Variants in PFKP observed in about 807,000 individuals in gnomAD.
The protein encoded by PFKP is phosphofructokinase, platelet.
In PFKP, 101 loss-of-function variants were observed where a neutral mutation model predicts 94.3. That is an observed-to-expected ratio of 1.07 (90% CI 0.91 to 1.26). The LOEUF (loss-of-function observed/expected upper bound fraction) is 1.26, where lower values mean the gene tolerates loss of function less well. Among genes scored for constraint, PFKP ranks in the 50% most tolerant of loss-of-function variants. The probability of loss-of-function intolerance (pLI) is 0.00; values close to 1 mark genes in which losing one functional copy is unlikely to be tolerated. For missense variants in PFKP, 1,145 were observed against 1,103.3 expected (o/e 1.04, Z -0.53); for synonymous variants, 573 against 432.6 (o/e 1.32, Z -4.03).
chr10:3,115,806 G>C (rs1836782258), intron 13 of PFKP, among the ~76,000 whole-genome samples: 2 of 152,150 alleles, frequency 1.3e-5, no homozygotes, highest in African/African-American at 4.8e-5. Flanking sequence ...GTTAAGAGTA[G>C]GGTGGGAAGA....
intron 7 of PFKP, among the ~76,000 whole-genome samples, chr10:3,105,993 AGT>A (rs1262424304): frequency 1.3e-5 from 2 of 152,228 alleles, no homozygotes; most frequent in African/African-American, 4.8e-5. Flanking sequence ...GTGGCCCAGC[AGT>A]GTGAGGCCTT....
rs530918221 is a variant in PFKP at position 3,106,514 on chromosome 10, T to A, written c.775-700T>A. Among the ~76,000 whole-genome samples the A allele has an allele frequency of 5.1e-4, 77 of 150,968 alleles. 2 individuals carry two copies. The East Asian group carries it at 0.013, about 25-fold the overall frequency. ...ACCTGGGGCTGACTGGGGGCCACAT[T>A]TCTATCTGCGGTGGTGATGTGAGCT... On this transcript the variant is annotated intron_variant, in intron 7 of 21. Transcript: ENST00000381125.
rs181841943 is a variant in PFKP at position 3,092,492 on chromosome 10, A to G, written c.187-6783A>G. Among the ~76,000 whole-genome samples, 1,018 of 146,768 alleles carry G rather than the reference A, an allele frequency of 6.9e-3. 7 individuals carry two copies. Among genetic ancestry groups the G allele is most frequent in the African/African-American group, 0.027 (978 of 36,374 alleles). On this transcript the variant is annotated intron_variant, in intron 2 of 21. Transcript: ENST00000381125. The stretch of plus-strand genomic sequence containing the variant: ...AGGCTGGCTGTGTTAGCAACAGCGT[A>G]TTATATTAATGTATTTCAGAGCAGC...
intron 17 of PFKP, among the ~76,000 whole-genome samples, chr10:3,132,028 TGAGAGCACC>T (rs1226940576): frequency 6.6e-6 from 1 of 152,070 alleles, no homozygotes; most frequent in Non-Finnish European, 1.5e-5. Flanking sequence ...CTCTTTCCTC[TGAGAGCACC>T]GAGAACATCG....
chr10:3,070,455 A>G (rs188061061), intron 1 of PFKP: 8 of 152,340 alleles, frequency 5.3e-5, no homozygotes, highest in Non-Finnish European at 1.2e-4. Context: ...ATTCACATTC[A>G]CGTATTAATT....
At chr10:3,077,732 A>G (rs1588392056) in intron 1 of PFKP, among the ~76,000 whole-genome samples, 1 of 152,144 alleles carries the variant, frequency 6.6e-6, no homozygotes, top group East Asian at 1.9e-4. Flanking sequence ...GATGACTCTG[A>G]CTCAAGGAAG....
intron 2 of PFKP, among the ~76,000 whole-genome samples, chr10:3,090,765 G>A (rs1026139574): frequency 1.4e-4 from 21 of 152,146 alleles, no homozygotes; most frequent in African/African-American, 5.1e-4. Flanking sequence ...TCCTATGGGG[G>A]GAAAATCACT....
At position 3,107,736 on chromosome 10, in the gene PFKP, C is replaced by CT. The variant is rs1269389290; in HGVS notation, c.870+428dup. On this transcript the variant is annotated intron_variant, in intron 8 of 21. Coordinates refer to ENST00000381125, the MANE Select transcript of PFKP (RefSeq NM_002627.5). Reference sequence around the variant, plus strand: ...GCCCTCCCATAACCCAGAGCATCAGCTGAGCACATTCTTACAAAGCCACTG... The same window carrying CT: ...GCCCTCCCATAACCCAGAGCATCAGCTTGAGCACATTCTTACAAAGCCACTG... 1.0e-5 allele frequency: 9 copies of CT among 870,580 alleles called. No homozygotes were observed. The Admixed American group carries it at 7.9e-4, about 77-fold the overall frequency. The allele number at this position is 870,580 out of a possible 1,614,324, so 53.9% of individuals were successfully genotyped here. A position where few individuals can be genotyped will look rare whatever the true frequency, so the allele number is the denominator to read the frequency against.
intron 16 of PFKP, among the ~76,000 whole-genome samples, chr10:3,128,642 CTCCT>C (rs1452060020): frequency 2.0e-5 from 3 of 152,210 alleles, no homozygotes; most frequent in African/African-American, 7.2e-5. Flanking sequence ...CTGGCGCCTC[CTCCT>C]TCCATGTGGG....
intron 1 of PFKP, among the ~76,000 whole-genome samples, chr10:3,076,380 G>A (rs1424633820): frequency 6.6e-6 from 1 of 152,050 alleles, no homozygotes; most frequent in East Asian, 1.9e-4. Context: ...TGCTGCCGCC[G>A]CGCCCCCGCC....
chr10:3,117,785 G>A (rs547189253), intron 14 of PFKP, among the ~76,000 whole-genome samples: 6 of 152,286 alleles, frequency 3.9e-5, no homozygotes, highest in Non-Finnish European at 5.9e-5. Context: ...GGGCCAGGGC[G>A]TTGCTCTCGA....
At chr10:3,071,615 G>T (rs1204590003) in intron 1 of PFKP, among the ~76,000 whole-genome samples, 1 of 152,116 alleles carries the variant, frequency 6.6e-6, no homozygotes, top group East Asian at 1.9e-4. Context: ...CACCAAGAGT[G>T]ACTCATTGTC....
chr10:3,079,936 T>C (rs1832918080), intron 1 of PFKP, among the ~76,000 whole-genome samples: 1 of 150,816 alleles, frequency 6.6e-6, no homozygotes, highest in Admixed American at 6.9e-5. Flanking sequence ...CTGCCAGGAA[T>C]AAATGGAATC....
rs769100888 is a variant in PFKP, at chr10:3,129,718, G to A, written c.1684-101G>A. 3.7e-5 allele frequency: 46 copies of A among 1,252,122 alleles called. No homozygotes were observed. The East Asian group carries it at 3.8e-4, about 10-fold the overall frequency. 77.6% of individuals were successfully genotyped at this position (1,252,122 alleles called of 1,614,324 possible). A position where few individuals can be genotyped will look rare whatever the true frequency, so the allele number is the denominator to read the frequency against. On this transcript the variant is annotated intron_variant, in intron 16 of 21. Transcript: ENST00000381125. The stretch of plus-strand genomic sequence containing the variant: ...GGATGCTGGGACCGCATGTTTGGGC[G>A]CGGTGGGGGGGCCTTGCTGCACTCA...
intron 21 of PFKP, among the ~76,000 whole-genome samples, 158 bp from the exon 22 acceptor site, chr10:3,136,292 G>A (rs1433897164): frequency 6.6e-6 from 1 of 152,150 alleles, no homozygotes; most frequent in Non-Finnish European, 1.5e-5. Flanking sequence ...TTTAAACAAT[G>A]GTTTCATTTG....
chr10:3,082,887 A>G lies in PFKP; in HGVS notation c.186+426A>G, dbSNP rs140498124. On this transcript the variant is annotated intron_variant, in intron 2 of 21. Coordinates refer to ENST00000381125, the MANE Select transcript of PFKP (RefSeq NM_002627.5). ...CCACCACACCCAGCTAATTTTTTGT[A>G]TTTTTAGTAGAGAAGGGGTCTCACC... Among the ~76,000 whole-genome samples the G allele has an allele frequency of 6.2e-3, 941 of 152,034 alleles. 9 individuals are homozygous for G. Among genetic ancestry groups the G allele is most frequent in the African/African-American group, 0.021 (885 of 41,458 alleles).
chr10:3,090,291 G>A (rs930647752), intron 2 of PFKP, among the ~76,000 whole-genome samples: 29 of 152,220 alleles, frequency 1.9e-4, no homozygotes, highest in African/African-American at 6.5e-4. Context: ...CCTGCAGGAC[G>A]TACTGCAGTG....
chr10:3,102,749 G>C (rs2131548317), intron 4 of PFKP, among the ~76,000 whole-genome samples: 1 of 152,294 alleles, frequency 6.6e-6, no homozygotes, highest in South Asian at 2.1e-4. Context: ...TATTAAATAT[G>C]ACCAGGGAAG....
chr10:3,129,700 G>A (rs1838334497), intron 16 of PFKP, 119 bp from the exon 17 acceptor site: 1 of 1,038,522 alleles, frequency 9.6e-7, no homozygotes. Context: ...GCGGGATGCT[G>A]GGACCGCATG....
Sources: allele counts gnomAD v4.1 joint callset (sites outside exome capture counted in the v4.1 genomes callset), GRCh38; gene constraint gnomAD v4.1.1; transcripts MANE v1.5; gene names NCBI Gene and HGNC (gene_info 2026-07-23, HGNC 2026-07-21).